PTPRJ: variants seen among roughly 807,000 people sequenced by gnomAD.
PTPRJ encodes the protein receptor-type tyrosine-protein phosphatase eta.
Under a neutral mutation model 141.3 loss-of-function variants are expected in PTPRJ, and 129 were observed. The ratio of observed to expected loss-of-function variants is 0.91; its 90% CI spans 0.79 to 1.06. The LOEUF is 1.06. Ranked by LOEUF, PTPRJ falls within the 50% of genes least tolerant of loss-of-function variation. The pLI, the probability that PTPRJ is intolerant of heterozygous loss-of-function variation, is 0.00. For missense variants in PTPRJ, 1,601 were observed against 1,679.7 expected, an observed-to-expected ratio of 0.95 and a Z score of 0.82; for synonymous variants, 610 against 640.5, an observed-to-expected ratio of 0.95 and a Z score of 0.72.
intron 1 of PTPRJ, among the ~76,000 whole-genome samples, chr11:47,986,910 T>C (rs1854065279): frequency 6.6e-6 from 1 of 152,194 alleles, no homozygotes; most frequent in Non-Finnish European, 1.5e-5. Flanking sequence ...AATACTTTTT[T>C]TTCCCCTAAT....
In PTPRJ at chr11:48,145,072, C is replaced by A; in HGVS notation, c.2859C>A (p.Ser953Arg). ...AGGGGCTCATTGATGGGGCTGAGAGCTATGTGTCCTTCAGTCGCTACTCAG... is the reference window on the plus strand; with the variant it reads ...AGGGGCTCATTGATGGGGCTGAGAGATATGTGTCCTTCAGTCGCTACTCAG... ...QNKGLIDGAE[S>R]YVSFSRYSDA... The change falls in exon 14 of 25, where the codon AGC becomes AGA. Residue 953 changes from serine (S) to arginine (R), a missense_variant. By Grantham distance (110) the Ser-to-Arg change is moderately radical. Transcript: ENST00000418331. 2 of 1,614,180 alleles carry A rather than the reference C, an allele frequency of 1.2e-6. No homozygotes were observed. Among genetic ancestry groups the A allele is most frequent in the Non-Finnish European group, 1.7e-6 (2 of 1,180,022 alleles).
intron 3 of PTPRJ, among the ~76,000 whole-genome samples, 176 bp downstream of exon 3, chr11:48,113,159 C>T (rs1856482337): frequency 6.6e-6 from 1 of 151,960 alleles, no homozygotes; most frequent in South Asian, 2.1e-4. Context: ...AAAAGAATAA[C>T]AAGTAAATCA....
intron 1 of PTPRJ, among the ~76,000 whole-genome samples, chr11:48,050,962 C>T (rs1854550283): frequency 6.6e-6 from 1 of 151,960 alleles, no homozygotes; most frequent in Non-Finnish European, 1.5e-5. Context: ...TAGGAAATAG[C>T]TCACTTGCCA....
chr11:48,159,882 C>T (rs1857721652), intron 21 of PTPRJ, 48 bp from the exon 22 acceptor site: 3 of 1,606,264 alleles, frequency 1.9e-6, no homozygotes, highest in Non-Finnish European at 2.6e-6. Flanking sequence ...TTAGTGATGG[C>T]AGATGGCATG....
chr11:48,034,916 G>C (rs1163608066), intron 1 of PTPRJ, among the ~76,000 whole-genome samples: 1 of 152,180 alleles, frequency 6.6e-6, no homozygotes, highest in Non-Finnish European at 1.5e-5. Context: ...CTTCATCCCC[G>C]CAAGATATTA....
At chr11:48,017,054 C>T (rs549069342) in intron 1 of PTPRJ, among the ~76,000 whole-genome samples, 4 of 152,152 alleles carry the variant, frequency 2.6e-5, no homozygotes, top group Admixed American at 6.6e-5. Flanking sequence ...GTTACCTCAC[C>T]TGGCTGTATT....
At chr11:48,054,313 T>A (rs762909950) in intron 1 of PTPRJ, among the ~76,000 whole-genome samples, 46 of 152,200 alleles carry the variant, frequency 3.0e-4, no homozygotes, top group Non-Finnish European at 1.5e-5. Context: ...TGCAACCTCT[T>A]ATATAGCAAA....
intron 1 of PTPRJ, chr11:48,045,001 A>G (rs1854354198): frequency 2.0e-5 from 3 of 152,246 alleles, no homozygotes; most frequent in Admixed American, 2.0e-4. Flanking sequence ...CTCCCTGGGT[A>G]ACACCTCTTA....
At chr11:48,040,082 C>T (rs1854236760) in intron 1 of PTPRJ, among the ~76,000 whole-genome samples, 1 of 152,236 alleles carries the variant, frequency 6.6e-6, no homozygotes, top group Non-Finnish European at 1.5e-5. Flanking sequence ...AGCCACACCG[C>T]CTGGCCGCTT....
chr11:48,036,925 C>T (rs535316025), intron 1 of PTPRJ, among the ~76,000 whole-genome samples: 32 of 152,308 alleles, frequency 2.1e-4, no homozygotes, highest in African/African-American at 7.5e-4. Context: ...TTTAACTTGG[C>T]AGTGGTTAAC....
intron 1 of PTPRJ, among the ~76,000 whole-genome samples, chr11:48,100,697 A>G (rs1355200436): frequency 6.6e-6 from 1 of 152,126 alleles, no homozygotes; most frequent in Non-Finnish European, 1.5e-5. Context: ...AGCCTAGCCA[A>G]CATGGTGAAA....
At position 48,110,112 on chromosome 11, in the gene PTPRJ, C is replaced by T. The variant is rs751356953; in HGVS notation, c.115+36C>T. On this transcript the variant is annotated intron_variant, in intron 2 of 24. Coordinates refer to ENST00000418331, the MANE Select transcript of PTPRJ (RefSeq NM_002843.4). The stretch of plus-strand genomic sequence containing the variant: ...TTTTCCTCTCTATTCTTGTGTTGTT[C>T]GCTACTGCCCCCTAATGGACACACA... The T allele has an allele frequency of 4.4e-6, 7 of 1,599,172 alleles. No homozygotes were observed. The Admixed American group carries it at 5.0e-5, about 11-fold the overall frequency.
At chr11:48,067,134 G>A (rs1855107768) in intron 1 of PTPRJ, among the ~76,000 whole-genome samples, 2 of 152,066 alleles carry the variant, frequency 1.3e-5, no homozygotes, top group Admixed American at 6.5e-5. Flanking sequence ...CCCCAACCCC[G>A]CCCCTTCCTT....
At chr11:48,031,852 T>C (rs1853993726) in intron 1 of PTPRJ, among the ~76,000 whole-genome samples, 1 of 152,216 alleles carries the variant, frequency 6.6e-6, no homozygotes, top group Non-Finnish European at 1.5e-5. Context: ...ACTTAGTAAG[T>C]TCCAGTGTTG....
chr11:48,097,801 G>A (rs2134308562), intron 1 of PTPRJ, among the ~76,000 whole-genome samples: 1 of 152,176 alleles, frequency 6.6e-6, no homozygotes, highest in African/African-American at 2.4e-5. Context: ...GCCCCCCAAA[G>A]TGCTAGGATT....
rs2134342739 is a variant in PTPRJ, at chr11:48,123,882, A to G, written c.874+12A>G. On this transcript the variant is annotated intron_variant, in intron 5 of 24. Transcript: ENST00000418331. ...AGAAGGTGGCTTGGGTGAGTTACAA[A>G]GGGTACCTTCCGTCTCCCTTACTGG... 1.2e-6 allele frequency: 2 copies of G among 1,611,682 alleles called. No homozygotes were observed. The highest frequency in any genetic ancestry group is 4.5e-5 in the East Asian group (2 of 44,848).
At chr11:48,034,684 C>G in intron 1 of PTPRJ, among the ~76,000 whole-genome samples, 1 of 152,146 alleles carries the variant, frequency 6.6e-6, no homozygotes, top group East Asian at 1.9e-4. Context: ...AGAAAACAGG[C>G]ACAGACAGTT....
At chr11:48,118,215 T>C (rs1442111570) in intron 3 of PTPRJ, among the ~76,000 whole-genome samples, 1 of 152,228 alleles carries the variant, frequency 6.6e-6, no homozygotes, top group African/African-American at 2.4e-5. Context: ...CTCAAGTAGC[T>C]GTGGCTATTG....
intron 15 of PTPRJ, among the ~76,000 whole-genome samples, chr11:48,148,061 T>C (rs549934516): frequency 2.6e-5 from 4 of 152,220 alleles, no homozygotes; most frequent in Admixed American, 2.0e-4. Flanking sequence ...GCCAGGCTGG[T>C]CTCGAACTCC....
Sources: gnomAD v4.1 joint callset for allele counts (sites outside exome capture counted in the v4.1 genomes callset) on GRCh38, gnomAD v4.1.1 for gene constraint, MANE v1.5 for transcripts, NCBI Gene and HGNC (gene_info 2026-07-23, HGNC 2026-07-21) for gene names.